The following PDGFC variants were observed in gnomAD, a reference collection of about 807,000 sequenced individuals.
PDGFC encodes the protein platelet derived growth factor C, also known as platelet-derived growth factor C.
Under a neutral mutation model 35.5 loss-of-function variants are expected in PDGFC, and 12 were observed. That is an observed-to-expected ratio of 0.34 (90% CI 0.22 to 0.55). The LOEUF (loss-of-function observed/expected upper bound fraction) is 0.55. Ranked by LOEUF, PDGFC falls within the 20% of genes least tolerant of loss-of-function variation. The pLI, the probability that PDGFC is intolerant of heterozygous loss-of-function variation, is 0.91. For missense variants in PDGFC, 322 were observed against 412.4 expected (o/e 0.78, Z 1.90); for synonymous variants, 159 against 148.8 (o/e 1.07, Z -0.50).
chr4:156,765,324 C>T (rs1730494736), intron 5 of PDGFC, among the ~76,000 whole-genome samples: 1 of 152,082 alleles, frequency 6.6e-6, no homozygotes, highest in South Asian at 2.1e-4. Flanking sequence ...TAATGTTCAT[C>T]TCAGAAAATT....
At chr4:156,770,572 T>G (rs1376319329) in intron 4 of PDGFC, 1 of 152,040 alleles carries the variant, frequency 6.6e-6, no homozygotes, top group African/African-American at 2.4e-5. Context: ...ATAATAATAT[T>G]AAAGAAGTTT....
At chr4:156,938,965 CA>C (rs1731745153) in intron 1 of PDGFC, among the ~76,000 whole-genome samples, 1 of 151,862 alleles carries the variant, frequency 6.6e-6, no homozygotes, top group African/African-American at 2.4e-5. Context: ...GTAAAAACCA[CA>C]ATCCCATCAA....
In PDGFC at chr4:156,761,815, C is replaced by T. The variant is rs1334613456; in HGVS notation, c.*1275G>A. On this transcript the variant is annotated 3_prime_UTR_variant, in exon 6 of 6. Coordinates refer to ENST00000502773, the MANE Select transcript of PDGFC (RefSeq NM_016205.3). ...ACATAAAAATATCCATGTATTTATA[C>T]AAGTGTATGGAACAGAGTTTAAGAT... 1 of 152,692 alleles carries T rather than the reference C, an allele frequency of 6.5e-6. No homozygotes were observed. Among genetic ancestry groups the T allele is most frequent in the East Asian group, 1.9e-4 (1 of 5,184 alleles). 9.5% of individuals were successfully genotyped at this position (152,692 alleles called of 1,614,324 possible).
At chr4:156,920,944 T>C (rs1310085247) in intron 1 of PDGFC, among the ~76,000 whole-genome samples, 1 of 152,140 alleles carries the variant, frequency 6.6e-6, no homozygotes, top group Non-Finnish European at 1.5e-5. Context: ...TAACAAAAAT[T>C]TGTAACTCTG....
At chr4:156,772,621 G>T in intron 4 of PDGFC, 65 bp downstream of exon 4, 1 of 1,004,220 alleles carries the variant, frequency 1.0e-6, no homozygotes, top group Non-Finnish European at 1.5e-6. Flanking sequence ...AGCTGTGGCA[G>T]AAGAATCTGA....
intron 1 of PDGFC, among the ~76,000 whole-genome samples, chr4:156,881,065 C>T (rs1353106924): frequency 6.6e-6 from 1 of 152,140 alleles, no homozygotes; most frequent in Non-Finnish European, 1.5e-5. Flanking sequence ...GCATGACATG[C>T]TACAGAGAAA....
At chr4:156,813,199 A>G (rs1335183047) in intron 2 of PDGFC, among the ~76,000 whole-genome samples, 2 of 152,106 alleles carry the variant, frequency 1.3e-5, no homozygotes, top group East Asian at 3.9e-4. Context: ...TTGTCTACAC[A>G]TGAAACAAAG....
intron 1 of PDGFC, among the ~76,000 whole-genome samples, chr4:156,868,699 T>C (rs1729905436): frequency 6.6e-6 from 1 of 152,216 alleles, no homozygotes; most frequent in Non-Finnish European, 1.5e-5. Flanking sequence ...TAGTTCTTAA[T>C]TGACCTTTTA....
intron 1 of PDGFC, among the ~76,000 whole-genome samples, chr4:156,937,274 G>A (rs142571307): frequency 0.01 from 1,586 of 152,204 alleles, 12 homozygotes; most frequent in Non-Finnish European, 0.014. Flanking sequence ...TAATTTGAAC[G>A]CATAAAATTA....
intron 1 of PDGFC, among the ~76,000 whole-genome samples, chr4:156,869,386 A>T (rs1252022082): frequency 6.6e-6 from 1 of 151,992 alleles, no homozygotes; most frequent in African/African-American, 2.4e-5. Context: ...CAGTGAGCCC[A>T]GATTGCGCCA....
chr4:156,870,167 C>T (rs1042609289), intron 1 of PDGFC, among the ~76,000 whole-genome samples: 5 of 152,024 alleles, frequency 3.3e-5, no homozygotes, highest in Non-Finnish European at 5.9e-5. Context: ...TCCACTTAAC[C>T]GAAGTGATTC....
chr4:156,778,415 T>G (rs2110837386), intron 3 of PDGFC: 1 of 165,388 alleles, frequency 6.0e-6, no homozygotes, highest in South Asian at 1.3e-4. Context: ...AGCCCAGGAG[T>G]TCAGACAAAA....
rs1732588458 is a variant in PDGFC, at chr4:156,971,335, G to A, written c.-432C>T. 5.0e-6 allele frequency: 2 copies of A among 399,226 alleles called. No homozygotes were observed. Among genetic ancestry groups the A allele is most frequent in the Admixed American group, 4.4e-5 (1 of 22,884 alleles). The allele number at this position is 399,226 out of a possible 1,614,324, so 24.7% of individuals were successfully genotyped here. ...TGCCCGCAGCCAGACTGGAAGCCAA[G>A]TCGGCGGCGAGCAGTTTCTGATCAA... On this transcript the variant is annotated 5_prime_UTR_variant, in exon 1 of 6. Transcript: ENST00000502773.
At chr4:156,964,117 T>G (rs1170930157) in intron 1 of PDGFC, among the ~76,000 whole-genome samples, 1 of 152,050 alleles carries the variant, frequency 6.6e-6, no homozygotes, top group Non-Finnish European at 1.5e-5. Flanking sequence ...AACATGCTTA[T>G]TTATTCATTT....
chr4:156,861,900 T>G (rs537305688), intron 1 of PDGFC, among the ~76,000 whole-genome samples: 22 of 152,238 alleles, frequency 1.4e-4, no homozygotes, highest in African/African-American at 5.3e-4. Context: ...CCCTGCAAAG[T>G]AGCAATTATT....
chr4:156,783,129 G>A (rs563727453), intron 3 of PDGFC, among the ~76,000 whole-genome samples: 127 of 152,184 alleles, frequency 8.3e-4, no homozygotes, highest in African/African-American at 3.0e-3. Context: ...TATTTACAAA[G>A]AAACTGAGTT....
Position 156,851,930 on chromosome 4 carries a change from C to CAAAAAAAAAAAAAAA in PDGFC, c.119-1529_119-1515dup, listed in dbSNP as rs61505882. On this transcript the variant is annotated intron_variant, in intron 1 of 5. Coordinates refer to ENST00000502773, the MANE Select transcript of PDGFC (RefSeq NM_016205.3). ...TGGGCGACAGAATGAGACTCCATCT[C>CAAAAAAAAAAAAAAA]AAAAAAAAAAAAAAAAAAAAAAAAA... Among the ~76,000 whole-genome samples, 32 of 47,848 alleles carry CAAAAAAAAAAAAAAA rather than the reference C, an allele frequency of 6.7e-4. 1 individual carries two copies. The highest frequency in any genetic ancestry group is 9.3e-4 in the African/African-American group (14 of 15,068). 31.4% of individuals were successfully genotyped at this position (47,848 alleles called of 152,430 possible). A position where few individuals can be genotyped will look rare whatever the true frequency, so the allele number is the denominator to read the frequency against.
chr4:156,970,546 G>A (rs1459642293), intron 1 of PDGFC, among the ~76,000 whole-genome samples: 2 of 152,194 alleles, frequency 1.3e-5, no homozygotes, highest in African/African-American at 4.8e-5. Context: ...ATCGCTCCCA[G>A]AATGTCCTCA....
At chr4:156,763,448 T>C (rs1407746673) in intron 5 of PDGFC, among the ~76,000 whole-genome samples, 1 of 151,248 alleles carries the variant, frequency 6.6e-6, no homozygotes, top group South Asian at 2.1e-4. Context: ...TGTCTCTGAA[T>C]AAGGAACAGT....
Sources: allele counts gnomAD v4.1 joint callset (sites outside exome capture counted in the v4.1 genomes callset), GRCh38; gene constraint gnomAD v4.1.1; transcripts MANE v1.5; gene names NCBI Gene and HGNC (gene_info 2026-07-23, HGNC 2026-07-21).